NEK1: variants seen among roughly 807,000 people sequenced by gnomAD.
The protein encoded by NEK1 is serine/threonine-protein kinase Nek1.
In NEK1, 137 loss-of-function variants were observed where a neutral mutation model predicts 182.1. The ratio of observed to expected loss-of-function variants is 0.75; its 90% CI spans 0.65 to 0.87. The LOEUF (loss-of-function observed/expected upper bound fraction) is 0.87, where lower values mean the gene tolerates loss of function less well. Ranked by LOEUF, NEK1 falls within the 40% of genes least tolerant of loss-of-function variation. The pLI is 0.00. For synonymous variants in NEK1, 513 were observed against 492.2 expected (o/e 1.04, Z -0.56); for missense variants, 1,391 against 1,494.4 (o/e 0.93, Z 1.14).
intron 23 of NEK1, among the ~76,000 whole-genome samples, chr4:169,506,375 T>C (rs528098722): frequency 6.6e-5 from 10 of 152,350 alleles, no homozygotes; most frequent in Admixed American, 2.6e-4. Flanking sequence ...AGTAGCATTA[T>C]AAATCAGTGA....
At chr4:169,553,224 A>G (rs748443875) in intron 18 of NEK1, among the ~76,000 whole-genome samples, 3 of 152,214 alleles carry the variant, frequency 2.0e-5, no homozygotes, top group Non-Finnish European at 4.4e-5. Context: ...TCCTTTGTCA[A>G]CCAATCACTG....
intron 23 of NEK1, among the ~76,000 whole-genome samples, chr4:169,480,241 T>C (rs934458537): frequency 3.9e-5 from 6 of 152,020 alleles, no homozygotes; most frequent in Admixed American, 6.6e-5. Context: ...ATTTATTGAG[T>C]ATCTTCTAAA....
chr4:169,612,260 C>G lies in NEK1; in HGVS notation c.-211G>C, dbSNP rs556312573. 2 of 152,412 alleles carry G rather than the reference C, an allele frequency of 1.3e-5. No homozygotes were observed. The highest frequency in any genetic ancestry group is 2.1e-4 in the South Asian group (1 of 4,828). The allele number at this position is 152,412 out of a possible 1,614,324, so 9.4% of individuals were successfully genotyped here. A position where few individuals can be genotyped will look rare whatever the true frequency, so the allele number is the denominator to read the frequency against. On this transcript the variant is annotated 5_prime_UTR_variant, in exon 1 of 36. Coordinates refer to ENST00000507142, the MANE Select transcript of NEK1 (RefSeq NM_001199397.3). ...TCAGTTGATACCACGGGTTTGACTCCGTCCTGTCTCGGGCGACGCCCGTAA... is the reference window on the plus strand; with the variant it reads ...TCAGTTGATACCACGGGTTTGACTCGGTCCTGTCTCGGGCGACGCCCGTAA...
chr4:169,486,239 T>C (rs888674932), intron 23 of NEK1, among the ~76,000 whole-genome samples: 5 of 152,208 alleles, frequency 3.3e-5, no homozygotes, highest in Admixed American at 1.3e-4. Context: ...TTTTCAACAT[T>C]GCTTTTATTG....
At chr4:169,429,664 T>G (rs116647147) in intron 29 of NEK1, among the ~76,000 whole-genome samples, 2,390 of 152,250 alleles carry the variant, frequency 0.016, 32 homozygotes, top group Non-Finnish European at 0.023. Context: ...AGCAGTGACA[T>G]TCACAGGACC....
intron 32 of NEK1, among the ~76,000 whole-genome samples, chr4:169,403,462 A>G (rs574807919): frequency 6.6e-6 from 1 of 152,108 alleles, no homozygotes; most frequent in Non-Finnish European, 1.5e-5. Flanking sequence ...CCTAGCTACT[A>G]GGGAGTCTGA....
chr4:169,478,471 T>G (rs981121189), intron 24 of NEK1: 1 of 152,080 alleles, frequency 6.6e-6, no homozygotes, highest in Admixed American at 6.6e-5. Flanking sequence ...AGTAACAACG[T>G]GGCACACGCA....
At chr4:169,451,918 T>A (rs1032952773) in intron 27 of NEK1, among the ~76,000 whole-genome samples, 4 of 151,568 alleles carry the variant, frequency 2.6e-5, no homozygotes, top group African/African-American at 9.7e-5. Context: ...GACAGAAGAA[T>A]CAAATAGATG....
At chr4:169,459,626 C>T (rs929018799) in intron 27 of NEK1, among the ~76,000 whole-genome samples, 1 of 152,166 alleles carries the variant, frequency 6.6e-6, no homozygotes, top group African/African-American at 2.4e-5. Flanking sequence ...GAAGCAATCA[C>T]GATGTCTTTC....
intron 18 of NEK1, among the ~76,000 whole-genome samples, chr4:169,539,409 T>C (rs778226848): frequency 2.0e-5 from 3 of 152,184 alleles, no homozygotes; most frequent in African/African-American, 4.8e-5. Context: ...CCTTCAAATG[T>C]GATGCTCTGA....
rs72691029 is a variant in NEK1, at chr4:169,402,884, T to C, written c.3375-1024A>G. On this transcript the variant is annotated intron_variant, in intron 32 of 35. Transcript: ENST00000507142. ...CATGGAATGTAAATGGAAAAGTTTG[T>C]AGACTAAAGGAGTTAACTGATGTTT... Among the ~76,000 whole-genome samples, 603 of 152,024 alleles carry C rather than the reference T, an allele frequency of 4.0e-3. 5 individuals carry two copies. The highest frequency in any genetic ancestry group is 0.03 in the South Asian group (143 of 4,810).
intron 23 of NEK1, among the ~76,000 whole-genome samples, chr4:169,494,480 C>A (rs923341476): frequency 3.3e-5 from 5 of 152,178 alleles, no homozygotes; most frequent in Non-Finnish European, 5.9e-5. Flanking sequence ...GCCACATATT[C>A]TTAATTCAGT....
At chr4:169,567,052 T>G (rs1277180074) in intron 12 of NEK1, among the ~76,000 whole-genome samples, 1 of 151,362 alleles carries the variant, frequency 6.6e-6, no homozygotes, top group Non-Finnish European at 1.5e-5. Context: ...ATTGCACCAC[T>G]GCACTATGGC....
At chr4:169,445,217 G>A (rs891536700) in intron 27 of NEK1, among the ~76,000 whole-genome samples, 1 of 152,048 alleles carries the variant, frequency 6.6e-6, no homozygotes, top group Non-Finnish European at 1.5e-5. Flanking sequence ...CCAGGAGTTA[G>A]AGATCGGCCT....
chr4:169,570,253 T>C (rs1257162255), intron 12 of NEK1, among the ~76,000 whole-genome samples: 4 of 147,634 alleles, frequency 2.7e-5, no homozygotes, highest in African/African-American at 5.1e-5. Flanking sequence ...ACCCTCTGCC[T>C]GGCAACCGCC....
chr4:169,537,608 A>G (rs1358695230), intron 19 of NEK1, among the ~76,000 whole-genome samples: 1 of 152,194 alleles, frequency 6.6e-6, no homozygotes, highest in Non-Finnish European at 1.5e-5. Context: ...CACCCCTGGT[A>G]TAAAAGATAG....
Position 169,590,736 on chromosome 4 carries a change from A to C in NEK1, c.386T>G (p.Ile129Ser), listed in dbSNP as rs1131690775. 1 of 1,588,370 alleles carries C rather than the reference A, an allele frequency of 6.3e-7. No homozygotes were observed. The highest frequency in any genetic ancestry group is 8.6e-7 in the Non-Finnish European group (1 of 1,164,810). ...GACAGAATAACATACCTGAGATTTA[A>C]TGTCTCGATGAAGAATTTTTCTATC... is the stretch of plus-strand genomic sequence containing the variant. ...VHDRKILHRD[I>S]KSQNIFLTKD... Residue 129 changes from isoleucine to serine, a missense_variant, in exon 6 of 36, where the codon ATT (isoleucine) becomes AGT (serine). By Grantham distance (142) the Ile-to-Ser change is moderately radical (BLOSUM62 -2). Transcript: ENST00000507142.
At chr4:169,555,071 T>A (rs1327413014) in intron 18 of NEK1, 2 of 152,264 alleles carry the variant, frequency 1.3e-5, no homozygotes, top group African/African-American at 4.8e-5. Context: ...AATATGCATA[T>A]GTGTAAGTCT....
chr4:169,601,464 T>C (rs1041193139), intron 4 of NEK1, among the ~76,000 whole-genome samples: 7 of 152,170 alleles, frequency 4.6e-5, no homozygotes, highest in Non-Finnish European at 7.3e-5. Context: ...AACAGCATTA[T>C]AGCTATAATA....
Sources: gnomAD v4.1 joint callset for allele counts (sites outside exome capture counted in the v4.1 genomes callset) on GRCh38, gnomAD v4.1.1 for gene constraint, MANE v1.5 for transcripts, NCBI Gene and HGNC (gene_info 2026-07-23, HGNC 2026-07-21) for gene names.